The following USP34 variants were observed in gnomAD, a reference collection of about 807,000 sequenced individuals.
USP34 encodes the protein ubiquitin specific peptidase 34.
Under a neutral mutation model 460.3 loss-of-function variants are expected in USP34, and 70 were observed. The observed-to-expected ratio is 0.15, with a 90% CI of 0.13 to 0.19. The LOEUF (loss-of-function observed/expected upper bound fraction) is 0.19. USP34 is among the 10% of genes least tolerant of loss of function. The pLI is 1.00. For synonymous variants in USP34, 1,647 were observed against 1,405.3 expected (o/e 1.17, Z -3.85); for missense variants, 3,985 against 4,236.2 (o/e 0.94, Z 1.65).
chr2:61,295,750 G>C (rs1690006097), intron 30 of USP34, among the ~76,000 whole-genome samples: 2 of 152,162 alleles, frequency 1.3e-5, no homozygotes, highest in South Asian at 4.1e-4. Flanking sequence ...TCTTTGAAAT[G>C]CTATTACTAG....
chr2:61,438,079 G>A (rs2104016086), intron 1 of USP34, among the ~76,000 whole-genome samples: 1 of 152,140 alleles, frequency 6.6e-6, no homozygotes, highest in East Asian at 1.9e-4. Flanking sequence ...CAGTGTCCTT[G>A]ATAAACATAG....
intron 10 of USP34, among the ~76,000 whole-genome samples, chr2:61,368,035 A>C (rs1692490913): frequency 6.6e-6 from 1 of 152,248 alleles, no homozygotes; most frequent in African/African-American, 2.4e-5. Flanking sequence ...GTCCTTAAAC[A>C]ACCGGAAAGT....
chr2:61,192,896 T>G lies in USP34; in HGVS notation c.9588+5A>C. On this transcript the variant is annotated splice_donor_5th_base_variant and intron_variant, in intron 76 of 79. Transcript: ENST00000398571. ...GACCAATCATCTAAAACTCATTTTC[T>G]TTACCTGAGTCTGGCATAGCTCAGT... 1 of 1,611,802 alleles carries G rather than the reference T, an allele frequency of 6.2e-7. No individual in the cohort carries two copies. Among genetic ancestry groups the G allele is most frequent in the East Asian group, 2.2e-5 (1 of 44,820 alleles).
At chr2:61,308,153 A>C (rs1690472205) in intron 27 of USP34, among the ~76,000 whole-genome samples, 1 of 152,196 alleles carries the variant, frequency 6.6e-6, no homozygotes, top group South Asian at 2.1e-4. Flanking sequence ...AGAAGTGCTA[A>C]ATATGTGCTA....
At chr2:61,321,411 C>T (rs1244579008) in intron 21 of USP34, among the ~76,000 whole-genome samples, 1 of 152,138 alleles carries the variant, frequency 6.6e-6, no homozygotes, top group Admixed American at 6.6e-5. Flanking sequence ...GTGGAGGTTG[C>T]AGTGAGCCAA....
intron 1 of USP34, among the ~76,000 whole-genome samples, chr2:61,459,214 G>T (rs537017103): frequency 6.6e-6 from 1 of 152,122 alleles, no homozygotes; most frequent in Admixed American, 6.6e-5. Flanking sequence ...AAGATAGCTT[G>T]GTTAGTGAAA....
intron 5 of USP34, among the ~76,000 whole-genome samples, chr2:61,386,801 CA>C (rs1259884018): frequency 6.6e-6 from 1 of 151,444 alleles, no homozygotes; most frequent in Admixed American, 6.6e-5. Context: ...AAGAAACAAA[CA>C]AAAAAAACTT....
intron 51 of USP34, among the ~76,000 whole-genome samples, chr2:61,243,296 G>A (rs1469455693): frequency 6.6e-6 from 1 of 151,926 alleles, no homozygotes; most frequent in Non-Finnish European, 1.5e-5. Context: ...ACAGGCACCC[G>A]CCACCACGCC....
rs1695271853 is a variant in USP34 at position 61,451,398 on chromosome 2, C to A, written c.43+19252G>T. 1.3e-5 allele frequency among the ~76,000 whole-genome samples: 2 copies of A among 151,218 alleles called. 1 individual carries two copies. The stretch of plus-strand genomic sequence containing the variant: ...ACTCATAAATTCTGTACAAGACAGA[C>A]ATGGTGCTGGGTGCGGTGGCTCACG... On this transcript the variant is annotated intron_variant, in intron 1 of 79. Transcript: ENST00000398571.
rs376915615 is a variant in USP34 at position 61,270,864 on chromosome 2, T to C, written c.5434-4697A>G. Among the ~76,000 whole-genome samples the C allele has an allele frequency of 1.4e-4, 22 of 152,340 alleles. No individual in the cohort carries two copies. The East Asian group carries it at 1.9e-3, about 13-fold the overall frequency. ...AGTTTCTCCTATACTTCCTAAAACA[T>C]AGGCTAAACTGAACCAACCAATTTT... On this transcript the variant is annotated intron_variant, in intron 41 of 79. Coordinates refer to ENST00000398571, the MANE Select transcript of USP34 (RefSeq NM_014709.4).
At chr2:61,191,728 A>G (rs536762019) in intron 76 of USP34, among the ~76,000 whole-genome samples, 1 of 152,330 alleles carries the variant, frequency 6.6e-6, no homozygotes, top group South Asian at 2.1e-4. Flanking sequence ...AGAGAAAGCA[A>G]TAGGGAGCAA....
intron 26 of USP34, 30 bp downstream of exon 26, chr2:61,311,754 T>C: frequency 1.9e-6 from 3 of 1,610,712 alleles, no homozygotes; most frequent in Non-Finnish European, 2.5e-6. Context: ...GGAAATGTTA[T>C]CAACTTCGAA....
At chr2:61,189,093 T>C (rs765196343) in intron 78 of USP34, 24 bp from the exon 79 acceptor site, 7 of 1,596,824 alleles carry the variant, frequency 4.4e-6, no homozygotes, top group African/African-American at 1.4e-5. Context: ...GATAGGAACA[T>C]TTCAAATTCT....
intron 3 of USP34, among the ~76,000 whole-genome samples, chr2:61,400,499 T>C (rs10199672): frequency 6.6e-6 from 1 of 151,828 alleles, no homozygotes; most frequent in Admixed American, 6.6e-5. Context: ...TGCTTAAAAG[T>C]AACTCAGTGA....
At chr2:61,316,215 AAAAAAACTG>A (rs1272030089) in intron 23 of USP34, among the ~76,000 whole-genome samples, 1 of 151,898 alleles carries the variant, frequency 6.6e-6, no homozygotes, top group Admixed American at 6.6e-5. Flanking sequence ...GGTTAGGACT[AAAAAAACTG>A]AAAAAACCTA....
chr2:61,367,247 G>C (rs1692468047), intron 10 of USP34, among the ~76,000 whole-genome samples: 1 of 152,242 alleles, frequency 6.6e-6, no homozygotes, highest in African/African-American at 2.4e-5. Flanking sequence ...TCACATGCTA[G>C]CAGTATGCGA....
At chr2:61,216,396 C>T (rs1007898708) in intron 67 of USP34, among the ~76,000 whole-genome samples, 3 of 149,842 alleles carry the variant, frequency 2.0e-5, no homozygotes, top group Non-Finnish European at 4.4e-5. Context: ...GTCAGGAGCT[C>T]GAGATCATCC....
Position 61,274,812 on chromosome 2 carries a change from C to T in USP34, c.5433+3353G>A, listed in dbSNP as rs147028007. On this transcript the variant is annotated intron_variant, in intron 41 of 79. Transcript: ENST00000398571. ...ACTTGGTTTTCGTTTTTAACATAAC[C>T]AAAACTATAAACGTATACTCCATGA... 9.1e-4 allele frequency among the ~76,000 whole-genome samples: 138 copies of T among 152,248 alleles called. 1 individual carries two copies. The East Asian group carries it at 0.024, about 27-fold the overall frequency.
intron 41 of USP34, among the ~76,000 whole-genome samples, chr2:61,277,138 A>G (rs1203591729): frequency 6.6e-6 from 1 of 152,190 alleles, no homozygotes; most frequent in Non-Finnish European, 1.5e-5. Flanking sequence ...AATAATGACT[A>G]CTTACTAATT....
Sources: gnomAD v4.1 joint callset for allele counts (sites outside exome capture counted in the v4.1 genomes callset) on GRCh38, gnomAD v4.1.1 for gene constraint, MANE v1.5 for transcripts, NCBI Gene and HGNC (gene_info 2026-07-23, HGNC 2026-07-21) for gene names.